The following SERPINB6 variants were observed in gnomAD, a reference collection of about 807,000 sequenced individuals.
The protein encoded by SERPINB6 is serpin family B member 6, also known as serpin B6.
In SERPINB6, 16 loss-of-function variants were observed where a neutral mutation model predicts 26.1. The ratio of observed to expected loss-of-function variants is 0.61; its 90% CI spans 0.42 to 0.93. The LOEUF is 0.93. SERPINB6 is among the 40% of genes least tolerant of loss of function. The pLI is 0.00. For missense variants in SERPINB6, 420 were observed against 478.0 expected (o/e 0.88, Z 1.13); for synonymous variants, 174 against 176.6 (o/e 0.99, Z 0.11).
chr6:2,969,014 C>T (rs1771890097), intron 1 of SERPINB6: 2 of 1,210,032 alleles, frequency 1.7e-6, no homozygotes, highest in Non-Finnish European at 2.1e-6. Context: ...GCCTGCAGGA[C>T]CCTGAGTTTG....
chr6:2,951,919 G>C (rs147457405), intron 5 of SERPINB6, among the ~76,000 whole-genome samples: 2,396 of 152,236 alleles, frequency 0.016, 38 homozygotes, highest in South Asian at 0.055. Flanking sequence ...CCCTGCCACC[G>C]GGACTGCTGA....
At chr6:2,955,693 A>G (rs758957067) in intron 2 of SERPINB6, 23 bp from the exon 3 acceptor site, 8 of 1,613,756 alleles carry the variant, frequency 5.0e-6, no homozygotes, top group Non-Finnish European at 6.8e-6. Flanking sequence ...ACAGAATGAA[A>G]ACAAATCATT....
At chr6:2,959,081 C>T (rs1381141722) in intron 2 of SERPINB6, 87 bp downstream of exon 2, 10 of 1,544,860 alleles carry the variant, frequency 6.5e-6, no homozygotes, top group Non-Finnish European at 8.9e-6. Flanking sequence ...CACAGTCATC[C>T]GTCTCGAGCG....
chr6:2,950,890 G>A (rs1769714725), intron 5 of SERPINB6, among the ~76,000 whole-genome samples: 3 of 152,262 alleles, frequency 2.0e-5, no homozygotes, highest in Admixed American at 6.5e-5. Context: ...CTGCTTTCAC[G>A]TGGTAGAGGC....
intron 2 of SERPINB6, chr6:2,957,924 G>A (rs970774272): frequency 2.6e-5 from 4 of 152,350 alleles, no homozygotes; most frequent in African/African-American, 9.7e-5. Context: ...CTGCACCCAG[G>A]GCTGAGAGGT....
At chr6:2,970,525 C>A in intron 1 of SERPINB6, 1 of 1,179,256 alleles carries the variant, frequency 8.5e-7, no homozygotes, top group Non-Finnish European at 1.0e-6. Flanking sequence ...CACATCAGAT[C>A]TCATCGCATC....
rs115679677 is a variant in SERPINB6 at position 2,970,710 on chromosome 6, G to A, written c.-11+823C>T. ...ATTTTCTGTACCTCAGTTTTCCGAA[G>A]CCAATCTTTAGGACAAAAAAAAAAA... On this transcript the variant is annotated intron_variant, in intron 1 of 6. Transcript: ENST00000380539. The A allele has an allele frequency of 1.3e-3, 1,457 of 1,146,710 alleles. 24 individuals carry two copies. In the African/African-American group the frequency reaches 0.028, roughly 22 times the overall value. 71.0% of individuals were successfully genotyped at this position (1,146,710 alleles called of 1,614,324 possible).
intron 1 of SERPINB6, among the ~76,000 whole-genome samples, chr6:2,962,680 T>C (rs1294060383): frequency 5.3e-5 from 8 of 152,248 alleles, no homozygotes; most frequent in Non-Finnish European, 1.2e-4. Context: ...AAGGTAAAAT[T>C]CTATCTATGC....
At position 2,967,100 on chromosome 6, in the gene SERPINB6, G is replaced by C. The variant is rs1771711508; in HGVS notation, c.-11+4433C>G. ...GTGACACACACAGAAAATGATGTTT[G>C]TATGTCACTTTGGGGCCAGGCTACT... is the stretch of plus-strand genomic sequence containing the variant. On this transcript the variant is annotated intron_variant, in intron 1 of 6. Coordinates refer to ENST00000380539, the MANE Select transcript of SERPINB6 (RefSeq NM_004568.6). The surrounding 1 kb of genome is among the most constrained non-coding windows in gnomAD (Gnocchi z 4.3). The C allele has an allele frequency of 1.0e-6, 1 of 985,010 alleles. No homozygotes were observed. Among genetic ancestry groups the C allele is most frequent in the African/African-American group, 1.7e-5 (1 of 57,214 alleles). 61.0% of individuals were successfully genotyped at this position (985,010 alleles called of 1,614,324 possible).
chr6:2,964,211 A>G (rs1412288319), intron 1 of SERPINB6, among the ~76,000 whole-genome samples: 1 of 152,264 alleles, frequency 6.6e-6, no homozygotes, highest in African/African-American at 2.4e-5. Flanking sequence ...GTAAAATACA[A>G]TAAAGTGAAG....
intron 4 of SERPINB6, among the ~76,000 whole-genome samples, chr6:2,954,269 G>A (rs1330740082): frequency 6.6e-6 from 1 of 152,292 alleles, no homozygotes; most frequent in East Asian, 1.9e-4. Context: ...TGTTACTTGT[G>A]AAAGGAAAAA....
rs1228236925 is a variant in SERPINB6 at position 2,948,871 on chromosome 6, G to A, written c.729+43C>T. The A allele has an allele frequency of 7.4e-6, 12 of 1,613,484 alleles. No homozygotes were observed. In the Admixed American group the frequency reaches 1.8e-4, roughly 25 times the overall value. Reference sequence around the variant, plus strand: ...CAGCAGCCACAGCAGACACCCCCGAGTGGCTCCTTGCTAGCACGCCTCGCT... The same window carrying A: ...CAGCAGCCACAGCAGACACCCCCGAATGGCTCCTTGCTAGCACGCCTCGCT... On this transcript the variant is annotated intron_variant, in intron 6 of 6. Coordinates refer to ENST00000380539, the MANE Select transcript of SERPINB6 (RefSeq NM_004568.6). The surrounding 1 kb of genome is among the most constrained non-coding windows in gnomAD (Gnocchi z 5.0).
At chr6:2,950,492 C>T (rs1007115017) in intron 5 of SERPINB6, among the ~76,000 whole-genome samples, 6 of 150,110 alleles carry the variant, frequency 4.0e-5, no homozygotes, top group Admixed American at 2.0e-4. Flanking sequence ...AAGATTGCAC[C>T]GCTGCACTCC....
chr6:2,965,936 CTAGT>C (rs1771591626), intron 1 of SERPINB6, among the ~76,000 whole-genome samples: 3 of 152,226 alleles, frequency 2.0e-5, no homozygotes, highest in African/African-American at 7.2e-5. Flanking sequence ...GCATATCTGA[CTAGT>C]TAGGGCAGCT....
chr6:2,953,898 C>T (rs1770108755), intron 4 of SERPINB6, among the ~76,000 whole-genome samples: 2 of 152,048 alleles, frequency 1.3e-5, no homozygotes, highest in Admixed American at 1.3e-4. Flanking sequence ...GGCATGGTGG[C>T]ACGTGCCTGT....
chr6:2,961,924 C>A lies in SERPINB6; in HGVS notation c.-10-2582G>T. 4 of 984,824 alleles carry A rather than the reference C, an allele frequency of 4.1e-6. 1 individual carries two copies. Among genetic ancestry groups the A allele is most frequent in the Middle Eastern group, 5.2e-4 (1 of 1,916 alleles). 61.0% of individuals were successfully genotyped at this position (984,824 alleles called of 1,614,324 possible). Reference sequence around the variant, plus strand: ...TTTTTTTGTAGAGACAAGGTTCTTGCCACCTTGCCCAGGCTGCTCTCCAAC... The same window carrying A: ...TTTTTTTGTAGAGACAAGGTTCTTGACACCTTGCCCAGGCTGCTCTCCAAC... On this transcript the variant is annotated intron_variant, in intron 1 of 6. Coordinates refer to ENST00000380539, the MANE Select transcript of SERPINB6 (RefSeq NM_004568.6).
Position 2,948,404 on chromosome 6 carries a change from C to T in SERPINB6, c.1025G>A (p.Cys342Tyr), listed in dbSNP as rs1462226443. ...AATAAIMMMR[C>Y]ARFVPRFCAD... The stretch of plus-strand genomic sequence containing the variant: ...GCAGAAGCGGGGGACGAATCTGGCA[C>T]ACCGCATCATCATGATGGCAGCTGT... Residue 342 changes from cysteine to tyrosine, a missense_variant, in exon 7 of 7, where the codon TGT becomes TAT. Transcript: ENST00000380539. This position sits in a 1 kb window ranked among gnomAD's most constrained non-coding sequence, Gnocchi z 5.0. 1.2e-6 allele frequency: 2 copies of T among 1,614,206 alleles called. No homozygotes were observed. The highest frequency in any genetic ancestry group is 2.2e-5 in the East Asian group (1 of 44,878).
chr6:2,951,395 T>TA (rs1193285989), intron 5 of SERPINB6, among the ~76,000 whole-genome samples: 11 of 93,550 alleles, frequency 1.2e-4, no homozygotes, highest in African/African-American at 2.3e-4. Flanking sequence ...TTGGAAAAAA[T>TA]AAAAAATAAA....
chr6:2,959,246 G>C lies in SERPINB6; in HGVS notation c.87C>G (p.Phe29Leu), dbSNP rs1253425288. The C allele has an allele frequency of 6.2e-7, 1 of 1,614,050 alleles. No homozygotes were observed. The highest frequency in any genetic ancestry group is 8.5e-7 in the Non-Finnish European group (1 of 1,180,046). ...LGKDNSKNVF[F>L]SPMSMSCALA... Reference sequence around the variant, plus strand: ...GGGCACAGGACATGCTCATGGGTGAGAAAAACACATTCTTCGAGTTGTCTT... The same window carrying C: ...GGGCACAGGACATGCTCATGGGTGACAAAAACACATTCTTCGAGTTGTCTT... The change falls in exon 2 of 7, where the codon TTC becomes TTG. Residue 29 changes from phenylalanine to leucine, a missense_variant. Coordinates refer to ENST00000380539, the MANE Select transcript of SERPINB6 (RefSeq NM_004568.6).
Sources: gnomAD v4.1 joint callset for allele counts (sites outside exome capture counted in the v4.1 genomes callset) on GRCh38, gnomAD v4.1.1 for gene constraint, Gnocchi (gnomAD v3.1) non-coding constraint, MANE v1.5 for transcripts, NCBI Gene and HGNC (gene_info 2026-07-23, HGNC 2026-07-21) for gene names.